Variants in KCMF1 observed in about 807,000 individuals in gnomAD.
The protein encoded by KCMF1 is E3 ubiquitin-protein ligase KCMF1.
KCMF1 carries 3 observed loss-of-function variants against 41.1 expected under a neutral mutation model. The observed-to-expected ratio is 0.07, with a 90% CI of 0.03 to 0.19. KCMF1 has a LOEUF of 0.19. Ranked by LOEUF, KCMF1 falls within the 10% of genes least tolerant of loss-of-function variation. The pLI is 1.00. For synonymous variants in KCMF1, 142 were observed against 164.5 expected (o/e 0.86, Z 1.04); for missense variants, 286 against 488.9 (o/e 0.58, Z 3.91).
chr2:85,029,640 G>A, intron 2 of KCMF1, among the ~76,000 whole-genome samples: 1 of 146,770 alleles, frequency 6.8e-6, no homozygotes, highest in African/African-American at 2.5e-5. Flanking sequence ...TTGATTAGAA[G>A]ACATTGTAAG....
At chr2:85,047,225 AACTTGAAT>A (rs1675689431) in intron 5 of KCMF1, among the ~76,000 whole-genome samples, 1 of 152,236 alleles carries the variant, frequency 6.6e-6, no homozygotes, top group Non-Finnish European at 1.5e-5. Flanking sequence ...AAAAGATTTC[AACTTGAAT>A]ACCTCCAAAA....
rs1035456546 is a variant in KCMF1 at position 85,059,442 on chromosome 2, T to C, written c.*6033T>C. On this transcript the variant is annotated 3_prime_UTR_variant, in exon 7 of 7. Transcript: ENST00000409785. ...ACCACCTGTCATGAAGCTTATCTGT[T>C]TTCTGATTTGAATAAACTTTGTGTT... is the stretch of plus-strand genomic sequence containing the variant. The C allele has an allele frequency of 3.9e-5, 6 of 152,218 alleles. No individual in the cohort carries two copies. The highest frequency in any genetic ancestry group is 1.4e-4 in the African/African-American group (6 of 41,468). The allele number at this position is 152,218 out of a possible 1,614,324, so 9.4% of individuals were successfully genotyped here.
At chr2:85,021,973 C>T (rs953334271) in intron 1 of KCMF1, among the ~76,000 whole-genome samples, 12 of 151,956 alleles carry the variant, frequency 7.9e-5, no homozygotes, top group African/African-American at 2.7e-4. Context: ...CCTGCCACCA[C>T]GCCTGGCTAA....
intron 1 of KCMF1, among the ~76,000 whole-genome samples, chr2:84,998,382 A>C (rs1027781420): frequency 6.6e-6 from 1 of 152,160 alleles, no homozygotes; most frequent in Admixed American, 6.5e-5. Context: ...GGCATGAGCC[A>C]CCATGGCCAG....
At chr2:85,030,248 TGATA>T (rs1675234952) in intron 2 of KCMF1, among the ~76,000 whole-genome samples, 1 of 152,200 alleles carries the variant, frequency 6.6e-6, no homozygotes, top group Non-Finnish European at 1.5e-5. Flanking sequence ...TTTTTTTATC[TGATA>T]GATGATTTGC....
At chr2:84,983,332 T>A (rs1414718426) in intron 1 of KCMF1, among the ~76,000 whole-genome samples, 1 of 148,708 alleles carries the variant, frequency 6.7e-6, no homozygotes, top group African/African-American at 2.5e-5. Context: ...AAGTCTTAAA[T>A]TTTTTTTTTT....
intron 1 of KCMF1, among the ~76,000 whole-genome samples, chr2:84,985,064 TGA>T (rs942305646): frequency 1.3e-5 from 2 of 151,138 alleles, no homozygotes; most frequent in Non-Finnish European, 2.9e-5. Context: ...CATAGTTAAA[TGA>T]GAGAGATTTA....
intron 1 of KCMF1, among the ~76,000 whole-genome samples, chr2:84,982,473 C>G (rs1438566845): frequency 1.5e-5 from 2 of 132,646 alleles, no homozygotes; most frequent in Non-Finnish European, 3.1e-5. Context: ...GCAATCTCGG[C>G]TCACTGCAAC....
chr2:85,014,720 C>CGT (rs1305233928), intron 1 of KCMF1, among the ~76,000 whole-genome samples: 2 of 141,760 alleles, frequency 1.4e-5, no homozygotes, highest in African/African-American at 5.5e-5. Context: ...TGCGTGCGTG[C>CGT]GTGCGTGTGT....
chr2:85,018,795 ATTTTTTTT>A (rs34627507), intron 1 of KCMF1, among the ~76,000 whole-genome samples: 5 of 73,684 alleles, frequency 6.8e-5, no homozygotes, highest in Admixed American at 1.6e-4. Context: ...CAGAACTTTG[ATTTTTTTT>A]TTTTTTTTTT....
intron 1 of KCMF1, among the ~76,000 whole-genome samples, chr2:85,016,780 C>T (rs1674779886): frequency 6.6e-6 from 1 of 151,754 alleles, no homozygotes; most frequent in African/African-American, 2.4e-5. Context: ...GCAACCTCCA[C>T]CTCCTGGATT....
At chr2:85,016,163 C>A (rs1674763930) in intron 1 of KCMF1, among the ~76,000 whole-genome samples, 1 of 152,156 alleles carries the variant, frequency 6.6e-6, no homozygotes, top group Non-Finnish European at 1.5e-5. Flanking sequence ...TACTAAGCTT[C>A]CCGGTTCTCT....
At chr2:85,040,065 C>G (rs1396033528) in intron 3 of KCMF1, among the ~76,000 whole-genome samples, 1 of 152,140 alleles carries the variant, frequency 6.6e-6, no homozygotes, top group Non-Finnish European at 1.5e-5. Flanking sequence ...ATCCATCTGC[C>G]TTGGCCTCCC....
chr2:85,052,507 C>T (rs1675832148), intron 6 of KCMF1, among the ~76,000 whole-genome samples: 1 of 152,150 alleles, frequency 6.6e-6, no homozygotes, highest in African/African-American at 2.4e-5. Flanking sequence ...TGCAGATGAG[C>T]CAGGTTTCCC....
chr2:85,002,224 G>A (rs1231625309), intron 1 of KCMF1, among the ~76,000 whole-genome samples: 2 of 152,014 alleles, frequency 1.3e-5, no homozygotes, highest in African/African-American at 4.8e-5. Flanking sequence ...AATATTAATG[G>A]CCCTACTAAA....
chr2:85,016,343 T>G (rs1030665069), intron 1 of KCMF1, among the ~76,000 whole-genome samples: 2 of 152,180 alleles, frequency 1.3e-5, no homozygotes, highest in Non-Finnish European at 2.9e-5. Flanking sequence ...GGGCATAGGT[T>G]TTTAAAAATA....
intron 4 of KCMF1, among the ~76,000 whole-genome samples, chr2:85,044,823 C>T (rs1574042058): frequency 6.6e-6 from 1 of 152,332 alleles, no homozygotes; most frequent in South Asian, 2.1e-4. Context: ...CAGCCTCTTG[C>T]TTTTATTTCT....
chr2:85,035,360 TG>T (rs1675382951), intron 3 of KCMF1, among the ~76,000 whole-genome samples: 1 of 152,236 alleles, frequency 6.6e-6, no homozygotes, highest in Non-Finnish European at 1.5e-5. Flanking sequence ...CTGTCCACAC[TG>T]GGTTTCTTAA....
intron 6 of KCMF1, among the ~76,000 whole-genome samples, chr2:85,050,520 G>A (rs1675781157): frequency 6.6e-6 from 1 of 152,074 alleles, no homozygotes; most frequent in Non-Finnish European, 1.5e-5. Context: ...GAAACTGTTA[G>A]CAACTGCATG....
Sources: gnomAD v4.1 joint callset for allele counts (sites outside exome capture counted in the v4.1 genomes callset) on GRCh38, gnomAD v4.1.1 for gene constraint, MANE v1.5 for transcripts, NCBI Gene and HGNC (gene_info 2026-07-23, HGNC 2026-07-21) for gene names.